Variants in CBFA2T2 observed in about 807,000 individuals in gnomAD.
The protein encoded by CBFA2T2 is CBFA2/RUNX1 partner transcriptional co-repressor 2.
In CBFA2T2, 11 loss-of-function variants were observed where a neutral mutation model predicts 62.2. The observed-to-expected ratio is 0.18, with a 90% CI of 0.11 to 0.29. CBFA2T2 has a LOEUF of 0.29. CBFA2T2 is among the 10% of genes least tolerant of loss of function. The probability of loss-of-function intolerance (pLI) is 1.00; values close to 1 mark genes in which losing one functional copy is unlikely to be tolerated. For missense variants in CBFA2T2, 592 were observed against 774.1 expected (o/e 0.76, Z 2.79); for synonymous variants, 295 against 287.5 (o/e 1.03, Z -0.27).
At chr20:33,542,445 T>C (rs935334396) in intron 1 of CBFA2T2, among the ~76,000 whole-genome samples, 2 of 152,144 alleles carry the variant, frequency 1.3e-5, no homozygotes, top group Non-Finnish European at 2.9e-5. Flanking sequence ...TTAAATTTTT[T>C]TTTATTATAA....
chr20:33,594,661 C>T (rs2146930211), intron 1 of CBFA2T2, among the ~76,000 whole-genome samples: 1 of 152,220 alleles, frequency 6.6e-6, no homozygotes, highest in South Asian at 2.1e-4. Flanking sequence ...TAGCGTTTTT[C>T]CCTGTCTCCC....
chr20:33,590,439 G>C (rs1213208490), intron 1 of CBFA2T2, among the ~76,000 whole-genome samples: 1 of 150,084 alleles, frequency 6.7e-6, no homozygotes, highest in Admixed American at 6.6e-5. Flanking sequence ...TTTTTTTCTT[G>C]GCCCCCACAA....
chr20:33,558,113 C>T (rs1358932351), intron 1 of CBFA2T2, among the ~76,000 whole-genome samples: 1 of 151,154 alleles, frequency 6.6e-6, no homozygotes, highest in Admixed American at 6.6e-5. Context: ...AGGTGTGAGC[C>T]ACTGCGCCTG....
At chr20:33,615,464 T>C (rs2015670212) in intron 3 of CBFA2T2, among the ~76,000 whole-genome samples, 1 of 152,046 alleles carries the variant, frequency 6.6e-6, no homozygotes, top group Admixed American at 6.6e-5. Context: ...CCCTCCCCCA[T>C]TGAAGCTAAC....
intron 9 of CBFA2T2, among the ~76,000 whole-genome samples, chr20:33,637,061 A>C (rs1413378091): frequency 6.6e-6 from 1 of 152,158 alleles, no homozygotes; most frequent in Non-Finnish European, 1.5e-5. Context: ...CTGTGTTCAC[A>C]CTACTGCCAC....
At chr20:33,637,220 G>T (rs115062296) in intron 9 of CBFA2T2, among the ~76,000 whole-genome samples, 211 of 152,280 alleles carry the variant, frequency 1.4e-3, no homozygotes, top group African/African-American at 4.8e-3. Context: ...TATTTTGTAA[G>T]TTCAAGGATG....
At chr20:33,585,775 A>G (rs1482674454) in intron 1 of CBFA2T2, among the ~76,000 whole-genome samples, 1 of 152,256 alleles carries the variant, frequency 6.6e-6, no homozygotes, top group Non-Finnish European at 1.5e-5. Flanking sequence ...CATGTAGATA[A>G]TCTAGAAAGC....
intron 1 of CBFA2T2, among the ~76,000 whole-genome samples, chr20:33,548,501 C>T (rs548216157): frequency 2.0e-5 from 3 of 152,164 alleles, no homozygotes; most frequent in African/African-American, 7.2e-5. Flanking sequence ...GCCTCCGCCT[C>T]CCAAAGTGCT....
intron 1 of CBFA2T2, among the ~76,000 whole-genome samples, chr20:33,572,881 T>C (rs1485681444): frequency 1.3e-5 from 2 of 152,150 alleles, no homozygotes; most frequent in East Asian, 3.9e-4. Flanking sequence ...GAGAAAGAAT[T>C]TTATAGGGCA....
chr20:33,518,100 A>C (rs1600920606), intron 1 of CBFA2T2, among the ~76,000 whole-genome samples: 1 of 151,864 alleles, frequency 6.6e-6, no homozygotes, highest in Non-Finnish European at 1.5e-5. Context: ...AGGCACGTGC[A>C]ACCATGCCTG....
At chr20:33,494,528 G>C (rs1190590320) in intron 1 of CBFA2T2, among the ~76,000 whole-genome samples, 4 of 151,126 alleles carry the variant, frequency 2.6e-5, no homozygotes, top group Non-Finnish European at 5.9e-5. Flanking sequence ...TGATCCGCCC[G>C]CCTCGGCCTC....
chr20:33,600,719 T>C (rs1189309249), intron 1 of CBFA2T2, among the ~76,000 whole-genome samples: 2 of 152,072 alleles, frequency 1.3e-5, no homozygotes, highest in East Asian at 3.9e-4. Flanking sequence ...CCGTCGTACA[T>C]GGTAATGTTT....
chr20:33,598,637 G>A (rs919881840), intron 1 of CBFA2T2, among the ~76,000 whole-genome samples: 17 of 152,096 alleles, frequency 1.1e-4, no homozygotes, highest in Admixed American at 3.3e-4. Flanking sequence ...GTCCTGAGGC[G>A]ATATACATCC....
intron 1 of CBFA2T2, among the ~76,000 whole-genome samples, chr20:33,521,066 C>T (rs1018291854): frequency 6.6e-6 from 1 of 150,842 alleles, no homozygotes; most frequent in Admixed American, 6.7e-5. Flanking sequence ...GGGGACATTT[C>T]TCGGAGGATT....
At chr20:33,582,963 G>A (rs1207023440) in intron 1 of CBFA2T2, among the ~76,000 whole-genome samples, 6 of 151,406 alleles carry the variant, frequency 4.0e-5, no homozygotes, top group African/African-American at 9.7e-5. Flanking sequence ...AGGAAAGACA[G>A]CACTACCTTT....
At chr20:33,537,031 A>G (rs1023283965) in intron 1 of CBFA2T2, among the ~76,000 whole-genome samples, 28 of 150,986 alleles carry the variant, frequency 1.9e-4, no homozygotes, top group Non-Finnish European at 3.7e-4. Context: ...GGGGCTCCTC[A>G]CGTCCCAGAC....
intron 3 of CBFA2T2, among the ~76,000 whole-genome samples, chr20:33,619,014 G>T (rs774205853): frequency 6.6e-6 from 1 of 152,196 alleles, no homozygotes. Flanking sequence ...AACCAGTGTG[G>T]TTTACCTTTG....
intron 1 of CBFA2T2, among the ~76,000 whole-genome samples, chr20:33,594,788 T>C (rs1375695777): frequency 1.3e-5 from 2 of 152,230 alleles, no homozygotes; most frequent in East Asian, 3.8e-4. Context: ...CAGGCAGTAA[T>C]GTGACACACC....
chr20:33,566,436 T>C (rs545547034), intron 1 of CBFA2T2, among the ~76,000 whole-genome samples: 2 of 152,096 alleles, frequency 1.3e-5, no homozygotes, highest in East Asian at 1.9e-4. Flanking sequence ...CGAAACCCCA[T>C]CTCTACTAAA....
Sources: allele counts gnomAD v4.1 joint callset (sites outside exome capture counted in the v4.1 genomes callset), GRCh38; gene constraint gnomAD v4.1.1; transcripts MANE v1.5; gene names NCBI Gene and HGNC (gene_info 2026-07-23, HGNC 2026-07-21).